Variants in INO80 observed in about 807,000 individuals in gnomAD.
INO80 encodes the protein INO80 complex ATPase subunit, also known as chromatin-remodeling ATPase INO80.
INO80 carries 20 observed loss-of-function variants against 203.4 expected under a neutral mutation model. The ratio of observed to expected loss-of-function variants is 0.10; its 90% CI spans 0.07 to 0.14. The LOEUF (loss-of-function observed/expected upper bound fraction) is 0.14. INO80 is among the 10% of genes least tolerant of loss of function. INO80 has a pLI of 1.00. For missense variants in INO80, 1,419 were observed against 1,914.4 expected (o/e 0.74, Z 4.83); for synonymous variants, 726 against 685.2 (o/e 1.06, Z -0.93).
intron 27 of INO80, among the ~76,000 whole-genome samples, chr15:41,013,710 C>G (rs1035909431): frequency 1.3e-5 from 2 of 151,936 alleles, no homozygotes; most frequent in African/African-American, 4.8e-5. Context: ...AAGGAAGAAC[C>G]ATTAGTGTAG....
chr15:41,037,514 A>C (rs1464907031), intron 24 of INO80, among the ~76,000 whole-genome samples: 1 of 152,048 alleles, frequency 6.6e-6, no homozygotes, highest in Non-Finnish European at 1.5e-5. Context: ...CAAAAAAATT[A>C]ATTAATTAAA....
At chr15:41,011,849 A>G (rs2044137641) in intron 27 of INO80, 1 of 152,150 alleles carries the variant, frequency 6.6e-6, no homozygotes, top group African/African-American at 2.4e-5. Flanking sequence ...AAGTTACACA[A>G]CCCAGGGTCT....
chr15:41,080,769 T>C (rs951827893), intron 8 of INO80, among the ~76,000 whole-genome samples: 1 of 152,100 alleles, frequency 6.6e-6, no homozygotes, highest in Non-Finnish European at 1.5e-5. Flanking sequence ...GGAGAATCGC[T>C]TGAACCTGGG....
intron 24 of INO80, among the ~76,000 whole-genome samples, chr15:41,043,256 C>T (rs1204352919): frequency 1.3e-5 from 2 of 152,014 alleles, no homozygotes; most frequent in Admixed American, 1.3e-4. Flanking sequence ...GTATAAAAAG[C>T]AGAACTGATA....
chr15:41,095,310 C>T lies in INO80; in HGVS notation c.381+291G>A, dbSNP rs560320985. ...GAGCTGAGATCATGCCATTGCACTC[C>T]AGCTTGGGCAACAAGAGCAAAATGT... On this transcript the variant is annotated intron_variant, in intron 4 of 35. Transcript: ENST00000648947. Among the ~76,000 whole-genome samples, 13 of 152,334 alleles carry T rather than the reference C, an allele frequency of 8.5e-5. No homozygotes were observed. In the South Asian group the frequency reaches 1.2e-3, roughly 15 times the overall value.
intron 24 of INO80, among the ~76,000 whole-genome samples, chr15:41,031,111 G>A (rs2044453740): frequency 6.6e-6 from 1 of 152,144 alleles, no homozygotes; most frequent in South Asian, 2.1e-4. Flanking sequence ...CTCAACTTTA[G>A]AGAAACCCTG....
chr15:41,062,755 C>T (rs2045134939), intron 14 of INO80, among the ~76,000 whole-genome samples: 1 of 152,128 alleles, frequency 6.6e-6, no homozygotes, highest in African/African-American at 2.4e-5. Context: ...CTCTGCCTTC[C>T]AATCTGGAGT....
intron 10 of INO80, 68 bp downstream of exon 10, chr15:41,074,302 A>T: frequency 8.5e-7 from 1 of 1,172,094 alleles, no homozygotes; most frequent in Non-Finnish European, 1.2e-6. Flanking sequence ...CGCAAAAATT[A>T]ATGTATATAA....
At chr15:41,065,871 G>A (rs2045201842) in intron 14 of INO80, among the ~76,000 whole-genome samples, 1 of 152,088 alleles carries the variant, frequency 6.6e-6, no homozygotes, top group African/African-American at 2.4e-5. Flanking sequence ...AAGGTGAATA[G>A]AACGTGATTG....
At chr15:40,989,574 C>A (rs1373369007) in intron 29 of INO80, among the ~76,000 whole-genome samples, 1 of 152,202 alleles carries the variant, frequency 6.6e-6, no homozygotes, top group African/African-American at 2.4e-5. Flanking sequence ...TCACAACCTA[C>A]ATCTGGATTA....
In INO80 at chr15:41,049,182, T is replaced by C. The variant is rs571211556; in HGVS notation, c.2576+105A>G. On this transcript the variant is annotated intron_variant, in intron 21 of 35. Coordinates refer to ENST00000648947, the MANE Select transcript of INO80 (RefSeq NM_017553.3). Reference sequence around the variant, plus strand: ...TAGTTGTCCACCCTTTGCTTAAATGTCTCATTGCTGGGAACTCATATTCTC... The same window carrying C: ...TAGTTGTCCACCCTTTGCTTAAATGCCTCATTGCTGGGAACTCATATTCTC... 3,018 of 905,794 alleles carry C rather than the reference T, an allele frequency of 3.3e-3. 15 individuals are homozygous for C. The highest frequency in any genetic ancestry group is 0.012 in the South Asian group (549 of 47,124). The allele number at this position is 905,794 out of a possible 1,614,324, so 56.1% of individuals were successfully genotyped here.
At chr15:40,982,000 TCTC>T (rs1221466898) in intron 35 of INO80, among the ~76,000 whole-genome samples, 3 of 152,206 alleles carry the variant, frequency 2.0e-5, no homozygotes, top group Non-Finnish European at 2.9e-5. Context: ...CATGGTTCCC[TCTC>T]CTCCTGACCT....
chr15:40,988,197 TAA>T (rs964325295), intron 29 of INO80, among the ~76,000 whole-genome samples: 2 of 152,204 alleles, frequency 1.3e-5, no homozygotes, highest in African/African-American at 2.4e-5. Context: ...AGTTTTCACT[TAA>T]AAAGAGTGGC....
chr15:41,021,365 A>G (rs1318095841), intron 25 of INO80, among the ~76,000 whole-genome samples: 1 of 152,200 alleles, frequency 6.6e-6, no homozygotes, highest in East Asian at 1.9e-4. Context: ...AGAGAGCTGG[A>G]GTTTGCAGAT....
chr15:41,027,264 G>A (rs1377466839), intron 25 of INO80, among the ~76,000 whole-genome samples: 2 of 152,134 alleles, frequency 1.3e-5, no homozygotes, highest in African/African-American at 2.4e-5. Flanking sequence ...CAACACAGGT[G>A]ACAAATGGTT....
intron 14 of INO80, among the ~76,000 whole-genome samples, chr15:41,069,326 C>T (rs999396926): frequency 6.6e-6 from 1 of 151,866 alleles, no homozygotes; most frequent in Non-Finnish European, 1.5e-5. Flanking sequence ...GGCACCATGC[C>T]CGGCTAATTT....
intron 24 of INO80, among the ~76,000 whole-genome samples, chr15:41,039,018 G>C (rs1345050980): frequency 6.6e-6 from 1 of 152,198 alleles, no homozygotes; most frequent in Non-Finnish European, 1.5e-5. Flanking sequence ...AACCCGCATA[G>C]GGTGGCATTC....
At position 41,092,194 on chromosome 15, in the gene INO80, G is replaced by A; in HGVS notation, c.382-12C>T. The A allele has an allele frequency of 6.4e-7, 1 of 1,566,040 alleles. No individual in the cohort carries two copies. The highest frequency in any genetic ancestry group is 8.7e-7 in the Non-Finnish European group (1 of 1,144,382). ...CTTAGCAGAATGCTCTGAAAAGGGT[G>A]AAAATAGAAATGTATCTTTTGCTGT... On this transcript the variant is annotated splice_polypyrimidine_tract_variant and intron_variant, in intron 4 of 35. Transcript: ENST00000648947.
chr15:41,111,274 C>T (rs1297826316), intron 1 of INO80, among the ~76,000 whole-genome samples: 1 of 151,872 alleles, frequency 6.6e-6, no homozygotes, highest in African/African-American at 2.4e-5. Flanking sequence ...GGTGAAACCC[C>T]ATCTCTACTA....
Sources: gnomAD v4.1 joint callset for allele counts (sites outside exome capture counted in the v4.1 genomes callset) on GRCh38, gnomAD v4.1.1 for gene constraint, MANE v1.5 for transcripts, NCBI Gene and HGNC (gene_info 2026-07-23, HGNC 2026-07-21) for gene names.